ITPK1: variants seen among roughly 807,000 people sequenced by gnomAD.
ITPK1 encodes the protein inositol 1,3,4-trisphosphate 5/6-kinase.
In ITPK1, 21 loss-of-function variants were observed where a neutral mutation model predicts 45.3. The ratio of observed to expected loss-of-function variants is 0.46; its 90% confidence interval spans 0.33 to 0.67. The LOEUF (loss-of-function observed/expected upper bound fraction) is 0.67, where lower values mean the gene tolerates loss of function less well. ITPK1 is among the 30% of genes least tolerant of loss of function. ITPK1 has a pLI of 0.02. For missense variants in ITPK1, 474 were observed against 573.5 expected, an observed-to-expected ratio of 0.83 and a Z score of 1.77; for synonymous variants, 258 against 253.6, an observed-to-expected ratio of 1.02 and a Z score of -0.16.
In ITPK1 at chr14:92,999,576, C is replaced by T. The variant is rs997253869; in HGVS notation, c.247-5579G>A. Among the ~76,000 whole-genome samples the T allele has an allele frequency of 3.3e-5, 5 of 152,208 alleles. No individual in the cohort carries two copies. In the South Asian group the frequency reaches 1.0e-3, roughly 32 times the overall value. On this transcript the variant is annotated intron_variant, in intron 4 of 10. Coordinates refer to ENST00000267615, the MANE Select transcript of ITPK1 (RefSeq NM_014216.6). ...AAGACCCCACACAGAGCCTGGAAACCCCTCCTCCTTGCTGGGCCTCAGCTC... is the reference window on the plus strand; with the variant it reads ...AAGACCCCACACAGAGCCTGGAAACTCCTCCTCCTTGCTGGGCCTCAGCTC...
intron 3 of ITPK1, among the ~76,000 whole-genome samples, chr14:93,021,434 A>G (rs1161926527): frequency 6.6e-6 from 1 of 151,954 alleles, no homozygotes; most frequent in Non-Finnish European, 1.5e-5. Context: ...TCTACCAAAC[A>G]ATACAAAAAT....
chr14:92,939,865 G>A lies in ITPK1; in HGVS notation c.*1696C>T, dbSNP rs938585951. ...ACATGTGTAAACACGTGTGAAATGC[G>A]GTTTGATTTCAGTAGTTTATTTTGG... On this transcript the variant is annotated 3_prime_UTR_variant, in exon 11 of 11. Transcript: ENST00000267615. 1.8e-5 allele frequency: 18 copies of A among 985,690 alleles called. No individual in the cohort carries two copies. Among genetic ancestry groups the A allele is most frequent in the African/African-American group, 7.0e-5 (4 of 57,244 alleles). 61.1% of individuals were successfully genotyped at this position (985,690 alleles called of 1,614,324 possible).
At chr14:93,017,116 C>T (rs999242284) in intron 3 of ITPK1, among the ~76,000 whole-genome samples, 1 of 152,210 alleles carries the variant, frequency 6.6e-6, no homozygotes, top group Non-Finnish European at 1.5e-5. Context: ...ATAGTGTCAA[C>T]AGGCCAGGCA....
intron 7 of ITPK1, among the ~76,000 whole-genome samples, chr14:92,961,657 C>T (rs1304136131): frequency 1.3e-5 from 2 of 152,180 alleles, no homozygotes; most frequent in African/African-American, 4.8e-5. Flanking sequence ...ACACTGATGG[C>T]CCAAAGGATA....
At chr14:92,956,746 G>A (rs1438104543) in intron 8 of ITPK1, among the ~76,000 whole-genome samples, 6 of 152,062 alleles carry the variant, frequency 3.9e-5, no homozygotes, top group Non-Finnish European at 8.8e-5. Flanking sequence ...ATTTTCCATA[G>A]ACTTAAAGCA....
intron 2 of ITPK1, among the ~76,000 whole-genome samples, chr14:93,110,066 G>C (rs1380654075): frequency 6.6e-6 from 1 of 152,144 alleles, no homozygotes; most frequent in Non-Finnish European, 1.5e-5. Flanking sequence ...TCACAGATGA[G>C]GAAAGTGAGG....
chr14:93,007,030 G>A (rs956036202), intron 4 of ITPK1, among the ~76,000 whole-genome samples: 6 of 152,194 alleles, frequency 3.9e-5, no homozygotes, highest in Admixed American at 3.3e-4. Flanking sequence ...GAAGGATCCC[G>A]CAGGATGAAG....
intron 2 of ITPK1, among the ~76,000 whole-genome samples, chr14:93,105,261 A>G (rs1445013468): frequency 6.6e-6 from 1 of 151,880 alleles, no homozygotes; most frequent in Admixed American, 6.6e-5. Context: ...GCTCCAGCAA[A>G]CCTCCTGGAG....
chr14:93,039,009 C>G (rs370328274), intron 3 of ITPK1, among the ~76,000 whole-genome samples: 15 of 152,306 alleles, frequency 9.8e-5, no homozygotes, highest in Admixed American at 5.2e-4. Context: ...CTGAACTGAG[C>G]CCCAAAAGAT....
intron 2 of ITPK1, among the ~76,000 whole-genome samples, chr14:93,089,226 GC>G (rs1202277243): frequency 6.6e-6 from 1 of 152,204 alleles, no homozygotes; most frequent in Non-Finnish European, 1.5e-5. Context: ...GCAGTGAAGG[GC>G]CCGGAAGGCA....
intron 3 of ITPK1, among the ~76,000 whole-genome samples, chr14:93,018,932 C>T (rs1359579918): frequency 6.6e-6 from 1 of 152,246 alleles, no homozygotes; most frequent in Non-Finnish European, 1.5e-5. Context: ...CCTGGGGCCT[C>T]AGTTTCCCCT....
intron 4 of ITPK1, among the ~76,000 whole-genome samples, chr14:93,008,870 T>C: frequency 6.6e-6 from 1 of 152,218 alleles, no homozygotes; most frequent in Non-Finnish European, 1.5e-5. Flanking sequence ...GTTAGTCCTC[T>C]TGGTGTGTGA....
chr14:93,110,728 A>C (rs1405484661), intron 2 of ITPK1, among the ~76,000 whole-genome samples: 3 of 152,194 alleles, frequency 2.0e-5, no homozygotes, highest in Non-Finnish European at 4.4e-5. Context: ...GTGGGATACC[A>C]AGGTCTGAGA....
intron 4 of ITPK1, among the ~76,000 whole-genome samples, chr14:93,000,201 G>A (rs1887268146): frequency 6.6e-6 from 1 of 152,238 alleles, no homozygotes. Context: ...CAATGCCGCT[G>A]TGAACATACG....
In ITPK1 at chr14:92,958,407, A is replaced by G. The variant is rs1162349554; in HGVS notation, c.505-41T>C. 6.2e-7 allele frequency: 1 copy of G among 1,603,206 alleles called. No individual in the cohort carries two copies. The highest frequency in any genetic ancestry group is 8.5e-7 in the Non-Finnish European group (1 of 1,171,764). ...GTCAAAAGCTCTGTCAGAATCCACC[A>G]CCTTCTCAGCCTCCAACACACAGGT... is the stretch of plus-strand genomic sequence containing the variant. On this transcript the variant is annotated intron_variant, in intron 7 of 10. Coordinates refer to ENST00000267615, the MANE Select transcript of ITPK1 (RefSeq NM_014216.6). The surrounding 1 kb of genome is among the most constrained non-coding windows in gnomAD (Gnocchi z 4.4).
At chr14:93,003,075 G>A (rs2139827392) in intron 4 of ITPK1, among the ~76,000 whole-genome samples, 1 of 152,342 alleles carries the variant, frequency 6.6e-6, no homozygotes, top group East Asian at 1.9e-4. Context: ...GCGTGTCAGG[G>A]CCAGCACTGC....
chr14:93,056,048 G>A (rs1294251469), intron 3 of ITPK1, among the ~76,000 whole-genome samples: 1 of 152,210 alleles, frequency 6.6e-6, no homozygotes, highest in East Asian at 1.9e-4. Context: ...ACCCGGTCTG[G>A]GGAAAGGAGG....
At chr14:93,024,751 AG>A (rs1888648021) in intron 3 of ITPK1, among the ~76,000 whole-genome samples, 1 of 152,206 alleles carries the variant, frequency 6.6e-6, no homozygotes, top group African/African-American at 2.4e-5. Flanking sequence ...ACATGAAGCA[AG>A]GAAGTCAAGA....
chr14:93,086,650 T>G (rs940403183), intron 2 of ITPK1, among the ~76,000 whole-genome samples: 1 of 151,934 alleles, frequency 6.6e-6, no homozygotes, highest in African/African-American at 2.4e-5. Context: ...CACAAACACC[T>G]GGGGGACAGC....
Sources: allele counts gnomAD v4.1 joint callset (sites outside exome capture counted in the v4.1 genomes callset), GRCh38; gene constraint gnomAD v4.1.1; non-coding constraint Gnocchi (gnomAD v3.1); transcripts MANE v1.5; gene names NCBI Gene and HGNC (gene_info 2026-07-23, HGNC 2026-07-21).